BMPR1B: variants seen among roughly 807,000 people sequenced by gnomAD.
BMPR1B encodes the protein bone morphogenetic protein receptor type-1B.
BMPR1B carries 12 observed loss-of-function variants against 59.1 expected under a neutral mutation model. The observed-to-expected ratio is 0.20, with a 90% CI of 0.13 to 0.33. The LOEUF is 0.33. Ranked by LOEUF, BMPR1B falls within the 10% of genes least tolerant of loss-of-function variation. The pLI is 1.00. For missense variants in BMPR1B, 550 were observed against 610.9 expected (o/e 0.90, Z 1.05); for synonymous variants, 237 against 207.3 (o/e 1.14, Z -1.23).
intron 1 of BMPR1B, among the ~76,000 whole-genome samples, chr4:94,760,377 T>C (rs1721711401): frequency 1.3e-5 from 2 of 152,250 alleles, no homozygotes. Context: ...AAATTTTTCC[T>C]CATAAGCTTT....
intron 1 of BMPR1B, among the ~76,000 whole-genome samples, chr4:94,816,361 T>C (rs954898976): frequency 6.6e-6 from 1 of 152,070 alleles, no homozygotes; most frequent in African/African-American, 2.4e-5. Flanking sequence ...AGAGATGGAG[T>C]TTCACTATGT....
chr4:95,065,987 G>T (rs879288113), intron 3 of BMPR1B, among the ~76,000 whole-genome samples: 2 of 152,086 alleles, frequency 1.3e-5, no homozygotes, highest in Non-Finnish European at 2.9e-5. Flanking sequence ...AAAACTTAGC[G>T]CAGTAGCCCA....
intron 3 of BMPR1B, chr4:95,091,731 G>A: frequency 1.1e-6 from 1 of 911,552 alleles, no homozygotes; most frequent in Non-Finnish European, 1.3e-6. Flanking sequence ...AATAAAAGCT[G>A]TTAGAACTTA....
At position 94,797,195 on chromosome 4, in the gene BMPR1B, A is replaced by G. The variant is rs188863675; in HGVS notation, c.-183+39127A>G. Among the ~76,000 whole-genome samples the G allele has an allele frequency of 1.5e-3, 234 of 152,308 alleles. 1 individual carries two copies. The highest frequency in any genetic ancestry group is 1.5e-3 in the Non-Finnish European group (105 of 68,038). On this transcript the variant is annotated intron_variant, in intron 1 of 12. Coordinates refer to ENST00000515059, the MANE Select transcript of BMPR1B (RefSeq NM_001203.3). ...TCAAATCTCGTGAGACTTATTCACT[A>G]TTATGAGAATAGCAGGGGAAAGACT...
At chr4:94,862,721 G>A (rs947753686) in intron 1 of BMPR1B, among the ~76,000 whole-genome samples, 1 of 151,634 alleles carries the variant, frequency 6.6e-6, no homozygotes, top group African/African-American at 2.4e-5. Flanking sequence ...CGAGACGGGT[G>A]GATCATGAGG....
At chr4:95,085,578 T>A (rs1729513656) in intron 3 of BMPR1B, among the ~76,000 whole-genome samples, 1 of 152,184 alleles carries the variant, frequency 6.6e-6, no homozygotes, top group South Asian at 2.1e-4. Flanking sequence ...GTCCCTCAAC[T>A]TGCTTTCTCC....
intron 1 of BMPR1B, among the ~76,000 whole-genome samples, chr4:94,857,515 A>T (rs1725806897): frequency 6.6e-6 from 1 of 152,206 alleles, no homozygotes; most frequent in Non-Finnish European, 1.5e-5. Context: ...GGTTTAAAAA[A>T]TTTTAGTTTA....
intron 2 of BMPR1B, among the ~76,000 whole-genome samples, chr4:94,973,474 G>T (rs756565300): frequency 6.6e-6 from 1 of 152,190 alleles, no homozygotes; most frequent in Non-Finnish European, 1.5e-5. Flanking sequence ...ACCATCTCCT[G>T]CCAGATTTTT....
chr4:95,043,618 T>C (rs1013079017), intron 3 of BMPR1B, among the ~76,000 whole-genome samples: 12 of 152,258 alleles, frequency 7.9e-5, no homozygotes, highest in Non-Finnish European at 1.6e-4. Context: ...GTAGTAGATT[T>C]AAGGTATCAT....
intron 8 of BMPR1B, among the ~76,000 whole-genome samples, chr4:95,125,557 A>C (rs1232145807): frequency 6.6e-6 from 1 of 152,182 alleles, no homozygotes; most frequent in Non-Finnish European, 1.5e-5. Flanking sequence ...TTTTCCATTC[A>C]GGAGAAGCTT....
intron 10 of BMPR1B, among the ~76,000 whole-genome samples, chr4:95,137,688 GT>G (rs201389747): frequency 0.03 from 4,622 of 152,160 alleles, 109 homozygotes; most frequent in Non-Finnish European, 0.048. Context: ...TTTGATCTTT[GT>G]TAGTTTAAAG....
chr4:94,926,895 T>G (rs2149030084), intron 2 of BMPR1B, among the ~76,000 whole-genome samples: 1 of 152,296 alleles, frequency 6.6e-6, no homozygotes, highest in Non-Finnish European at 1.5e-5. Flanking sequence ...TGTCTCATTT[T>G]ATTTTGAAAA....
intron 2 of BMPR1B, among the ~76,000 whole-genome samples, chr4:94,914,336 T>C (rs981765698): frequency 2.0e-5 from 3 of 152,168 alleles, no homozygotes; most frequent in Admixed American, 1.3e-4. Flanking sequence ...AGTTTGGTTT[T>C]GTAATATTGG....
At chr4:94,931,709 CCTAA>C (rs1198983927) in intron 2 of BMPR1B, among the ~76,000 whole-genome samples, 6 of 151,994 alleles carry the variant, frequency 3.9e-5, no homozygotes, top group Non-Finnish European at 5.9e-5. Context: ...GATTTCGTTC[CCTAA>C]CTGTCTTCAC....
intron 2 of BMPR1B, among the ~76,000 whole-genome samples, chr4:94,970,647 A>T (rs1730757267): frequency 6.6e-6 from 1 of 151,990 alleles, no homozygotes; most frequent in African/African-American, 2.4e-5. Flanking sequence ...TTTTATTTTT[A>T]ATTTTTATGG....
chr4:95,132,362 G>A lies in BMPR1B; in HGVS notation c.1076+850G>A, dbSNP rs548221092. 3.3e-5 allele frequency among the ~76,000 whole-genome samples: 5 copies of A among 152,220 alleles called. No homozygotes were observed. In the South Asian group the frequency reaches 1.0e-3, roughly 32 times the overall value. ...AGAGGAGCACAAAGAAAAAGTCATG[G>A]AGATTATTAAAAGTTTGGAAAGTAA... On this transcript the variant is annotated intron_variant, in intron 10 of 12. Transcript: ENST00000515059.
At chr4:94,884,746 C>A (rs1727108193) in intron 2 of BMPR1B, among the ~76,000 whole-genome samples, 1 of 152,180 alleles carries the variant, frequency 6.6e-6, no homozygotes, top group African/African-American at 2.4e-5. Context: ...GCAATGCCCC[C>A]AAACTTCCCT....
intron 3 of BMPR1B, among the ~76,000 whole-genome samples, chr4:95,074,886 G>C (rs1003034306): frequency 6.6e-6 from 1 of 152,120 alleles, no homozygotes; most frequent in African/African-American, 2.4e-5. Flanking sequence ...GCCTGCTCAT[G>C]ATTATTTTAA....
chr4:94,852,764 A>G (rs1725614905), intron 1 of BMPR1B, among the ~76,000 whole-genome samples: 1 of 152,166 alleles, frequency 6.6e-6, no homozygotes, highest in South Asian at 2.1e-4. Context: ...GTAATTTTAT[A>G]CTTGCCAATT....
Sources: gnomAD v4.1 joint callset for allele counts (sites outside exome capture counted in the v4.1 genomes callset) on GRCh38, gnomAD v4.1.1 for gene constraint, MANE v1.5 for transcripts, NCBI Gene and HGNC (gene_info 2026-07-23, HGNC 2026-07-21) for gene names.